The following RERE variants were observed in gnomAD, a reference collection of about 807,000 sequenced individuals.
The protein encoded by RERE is arginine-glutamic acid dipeptide repeats, also known as arginine-glutamic acid dipeptide repeats protein.
A neutral mutation model predicts 146.1 loss-of-function variants in RERE; 40 were observed. That is an observed-to-expected ratio of 0.27 (90% CI 0.21 to 0.36). The LOEUF is 0.36. Ranked by LOEUF, RERE falls within the 10% of genes least tolerant of loss-of-function variation. The pLI, the probability that RERE is intolerant of heterozygous loss-of-function variation, is 1.00. For missense variants in RERE, 1,933 were observed against 2,138.7 expected, an observed-to-expected ratio of 0.90 and a Z score of 1.90; for synonymous variants, 1,003 against 866.0, an observed-to-expected ratio of 1.16 and a Z score of -2.78.
chr1:8,462,354 C>T (rs1224759377), intron 11 of RERE, among the ~76,000 whole-genome samples: 7 of 152,196 alleles, frequency 4.6e-5, no homozygotes, highest in African/African-American at 1.7e-4. Flanking sequence ...GAATGAAGAG[C>T]TGGGGATCAG....
At chr1:8,371,445 G>C (rs1432206102) in intron 12 of RERE, among the ~76,000 whole-genome samples, 1 of 152,194 alleles carries the variant, frequency 6.6e-6, no homozygotes, top group African/African-American at 2.4e-5. Flanking sequence ...GGAAGAGAGA[G>C]GGAAGAAGTA....
chr1:8,359,314 GC>G (rs1641450125), intron 19 of RERE, among the ~76,000 whole-genome samples: 1 of 152,172 alleles, frequency 6.6e-6, no homozygotes, highest in African/African-American at 2.4e-5. Context: ...ACAGCAGAGA[GC>G]TGGCCACCAC....
intron 1 of RERE, among the ~76,000 whole-genome samples, chr1:8,777,823 C>A (rs1274839623): frequency 1.3e-5 from 2 of 151,536 alleles, no homozygotes; most frequent in Non-Finnish European, 2.9e-5. Flanking sequence ...GCATGAGCCA[C>A]CGTGCCCGGC....
chr1:8,362,853 CCAAACCGAAGACTGGTGACA>C lies in RERE; in HGVS notation c.1741-29_1741-10del, dbSNP rs1232143954. On this transcript the variant is annotated splice_polypyrimidine_tract_variant and intron_variant, in intron 15 of 22. Coordinates refer to ENST00000400908, the MANE Select transcript of RERE (RefSeq NM_001042681.2). ...CTGCGTAGTGTCGACATCTGCCCAC[CCAAACCGAAGACTGGTGACA>C]CCAGATTCCCAGTCCCCATGTGGAC... 1.2e-6 allele frequency: 2 copies of C among 1,605,074 alleles called. No homozygotes were observed. Among genetic ancestry groups the C allele is most frequent in the Non-Finnish European group, 8.5e-7 (1 of 1,175,106 alleles).
chr1:8,516,987 G>A (rs1173335087), intron 7 of RERE, among the ~76,000 whole-genome samples: 1 of 152,162 alleles, frequency 6.6e-6, no homozygotes, highest in African/African-American at 2.4e-5. Context: ...CAAAGGGAGA[G>A]CTTTGTAGTG....
intron 1 of RERE, among the ~76,000 whole-genome samples, chr1:8,706,523 C>G (rs1639564489): frequency 6.6e-6 from 1 of 152,188 alleles, no homozygotes; most frequent in Admixed American, 6.5e-5. Context: ...CACAGGTAAA[C>G]TGGACAGAGG....
At chr1:8,634,655 T>C (rs1647074287) in intron 2 of RERE, among the ~76,000 whole-genome samples, 1 of 152,188 alleles carries the variant, frequency 6.6e-6, no homozygotes. Flanking sequence ...CTTAAATCGT[T>C]GTTGTTTTCA....
At chr1:8,694,954 A>G (rs1639290816) in intron 1 of RERE, among the ~76,000 whole-genome samples, 1 of 124,314 alleles carries the variant, frequency 8.0e-6, no homozygotes, top group South Asian at 3.2e-4. Context: ...AAAGTACCCA[A>G]AGAGCCAAAG....
chr1:8,775,827 T>C (rs554443861), intron 1 of RERE, among the ~76,000 whole-genome samples: 20 of 152,342 alleles, frequency 1.3e-4, no homozygotes, highest in African/African-American at 4.8e-4. Flanking sequence ...TTTAACAATT[T>C]TATGAGGTAG....
At chr1:8,563,144 C>G (rs1484370226) in intron 4 of RERE, among the ~76,000 whole-genome samples, 1 of 152,154 alleles carries the variant, frequency 6.6e-6, no homozygotes, top group Non-Finnish European at 1.5e-5. Context: ...GACACAGGGT[C>G]TAACGTTGAG....
chr1:8,395,026 C>G (rs1023437511), intron 12 of RERE, among the ~76,000 whole-genome samples: 4 of 152,060 alleles, frequency 2.6e-5, no homozygotes, highest in Admixed American at 6.5e-5. Flanking sequence ...ATTTTAAGGG[C>G]CAAACAGCCC....
intron 7 of RERE, among the ~76,000 whole-genome samples, chr1:8,527,845 ACT>A (rs1645588685): frequency 6.6e-6 from 1 of 150,806 alleles, no homozygotes; most frequent in Non-Finnish European, 1.5e-5. Context: ...TCTCCTTCAC[ACT>A]CTCTCCCGTG....
In RERE at chr1:8,644,051, A is replaced by G. The variant is rs947640274; in HGVS notation, c.325+11922T>C. Among the ~76,000 whole-genome samples, 28 of 152,198 alleles carry G rather than the reference A, an allele frequency of 1.8e-4. 1 individual carries two copies. Among genetic ancestry groups the G allele is most frequent in the African/African-American group, 1.9e-4 (8 of 41,440 alleles). On this transcript the variant is annotated intron_variant, in intron 2 of 22. Coordinates refer to ENST00000400908, the MANE Select transcript of RERE (RefSeq NM_001042681.2). ...CTATTTACTTACCTATCACACACAA[A>G]GCAAAACAAACTATTGCTAAATATC...
chr1:8,767,611 A>AG (rs1408140820), intron 1 of RERE, among the ~76,000 whole-genome samples: 1 of 151,682 alleles, frequency 6.6e-6, no homozygotes, highest in Non-Finnish European at 1.5e-5. Flanking sequence ...TCTCAAAAAA[A>AG]AAAAAAGAGA....
At chr1:8,508,400 T>A (rs1262827635) in intron 8 of RERE, among the ~76,000 whole-genome samples, 1 of 152,202 alleles carries the variant, frequency 6.6e-6, no homozygotes, top group Admixed American at 6.5e-5. Flanking sequence ...ATGACGGTGA[T>A]GGCTATACAA....
At chr1:8,501,496 G>A (rs1234092720) in intron 8 of RERE, among the ~76,000 whole-genome samples, 4 of 108,776 alleles carry the variant, frequency 3.7e-5, no homozygotes, top group East Asian at 2.9e-4. Flanking sequence ...CGCCCCGTCC[G>A]GGAGGGAGGT....
chr1:8,793,048 T>G (rs1226018351), intron 1 of RERE, among the ~76,000 whole-genome samples: 2 of 151,602 alleles, frequency 1.3e-5, no homozygotes, highest in East Asian at 3.9e-4. Context: ...TCTCAGCTAC[T>G]TTGGAGGCCG....
intron 12 of RERE, among the ~76,000 whole-genome samples, chr1:8,385,968 T>TAAA (rs34493389): frequency 0.011 from 105 of 9,478 alleles, 7 homozygotes; most frequent in Non-Finnish European, 0.013. Context: ...GACTCCGTCT[T>TAAA]AAAAAAAAAA....
intron 2 of RERE, 77 bp downstream of exon 2, chr1:8,655,896 C>T (rs1638269585): frequency 4.5e-6 from 7 of 1,543,838 alleles, no homozygotes; most frequent in South Asian, 1.3e-5. Flanking sequence ...GTGTACAAAG[C>T]GTATTTATTT....
Sources: gnomAD v4.1 joint callset for allele counts (sites outside exome capture counted in the v4.1 genomes callset) on GRCh38, gnomAD v4.1.1 for gene constraint, MANE v1.5 for transcripts, NCBI Gene and HGNC (gene_info 2026-07-23, HGNC 2026-07-21) for gene names.